The following EPS15 variants were observed in gnomAD, a reference collection of about 807,000 sequenced individuals.
EPS15 encodes the protein epidermal growth factor receptor substrate 15.
EPS15 carries 72 observed loss-of-function variants against 113.8 expected under a neutral mutation model. The ratio of observed to expected loss-of-function variants is 0.63; its 90% CI spans 0.52 to 0.77. The LOEUF (loss-of-function observed/expected upper bound fraction) is 0.77, where lower values mean the gene tolerates loss of function less well. Among genes scored for constraint, EPS15 ranks in the 30% least tolerant of loss-of-function variants. The pLI is 0.00. For synonymous variants in EPS15, 344 were observed against 363.4 expected (o/e 0.95, Z 0.61); for missense variants, 1,048 against 1,045.8 (o/e 1.00, Z -0.03).
intron 5 of EPS15, among the ~76,000 whole-genome samples, chr1:51,467,761 G>A (rs2148507178): frequency 6.6e-6 from 1 of 152,212 alleles, no homozygotes; most frequent in African/African-American, 2.4e-5. Flanking sequence ...AACTGCGCAT[G>A]TGAGGGATCT....
rs964044922 is a variant in EPS15 at position 51,446,968 on chromosome 1, G to A, written c.789C>T (p.Ala263=). ...LKTGLPSTLL[A]HIWSLCDTKD... ...TTCAAATAAAGTCTTACCATATATG[G>A]GCTAGTAAGGTAGAAGGTAAACCTG... is the stretch of plus-strand genomic sequence containing the variant. The change falls in exon 10 of 25, where the codon GCC becomes GCT. Residue 263 remains alanine (A), a synonymous_variant. Coordinates refer to ENST00000371733, the MANE Select transcript of EPS15 (RefSeq NM_001981.3). The A allele has an allele frequency of 6.8e-6, 11 of 1,609,582 alleles. No homozygotes were observed. The highest frequency in any genetic ancestry group is 1.7e-5 in the Admixed American group (1 of 59,542).
At chr1:51,418,400 A>G (rs1231229221) in intron 13 of EPS15, among the ~76,000 whole-genome samples, 1 of 152,084 alleles carries the variant, frequency 6.6e-6, no homozygotes, top group Non-Finnish European at 1.5e-5. Flanking sequence ...AGAAGGACGA[A>G]CAGATTTGGC....
Position 51,497,618 on chromosome 1 carries a change from G to A in EPS15, c.34-16304C>T, listed in dbSNP as rs56792588. Among the ~76,000 whole-genome samples the A allele has an allele frequency of 9.4e-3, 1,432 of 152,198 alleles. 23 individuals carry two copies. Among genetic ancestry groups the A allele is most frequent in the African/African-American group, 0.033 (1,359 of 41,504 alleles). ...GAAGTATCATGACATATAAATATTC[G>A]TTAAATCACACATATCTTTGCAACA... is the stretch of plus-strand genomic sequence containing the variant. On this transcript the variant is annotated intron_variant, in intron 1 of 24. Transcript: ENST00000371733.
chr1:51,389,237 A>G (rs922409205), intron 21 of EPS15, among the ~76,000 whole-genome samples: 11 of 152,230 alleles, frequency 7.2e-5, no homozygotes, highest in Non-Finnish European at 1.3e-4. Flanking sequence ...ATCTCAATAG[A>G]TGCAGAAAAG....
intron 11 of EPS15, among the ~76,000 whole-genome samples, chr1:51,442,554 T>C (rs1417326589): frequency 6.6e-6 from 1 of 152,152 alleles, no homozygotes; most frequent in East Asian, 1.9e-4. Flanking sequence ...AGAAAAAATA[T>C]GTAGCATGTC....
chr1:51,405,275 C>T (rs1236197037), intron 16 of EPS15, among the ~76,000 whole-genome samples: 1 of 152,010 alleles, frequency 6.6e-6, no homozygotes, highest in Non-Finnish European at 1.5e-5. Flanking sequence ...AGTTGGTACT[C>T]GTCAAATAAT....
intron 1 of EPS15, among the ~76,000 whole-genome samples, chr1:51,506,950 T>C (rs941257705): frequency 6.6e-6 from 1 of 152,164 alleles, no homozygotes; most frequent in African/African-American, 2.4e-5. Flanking sequence ...TAATGCCAAT[T>C]TCCTATGCTA....
chr1:51,402,555 T>A, intron 17 of EPS15, 30 bp from the exon 18 acceptor site: 1 of 1,150,506 alleles, frequency 8.7e-7, no homozygotes, highest in Non-Finnish European at 1.3e-6. Context: ...AAAATTATTT[T>A]TTAGAAACCA....
In EPS15 at chr1:51,447,044, T is replaced by A; in HGVS notation, c.713A>T (p.Asp238Val). The A allele has an allele frequency of 6.2e-7, 1 of 1,613,640 alleles. No homozygotes were observed. Residue 238 changes from aspartate (D) to valine (V), a missense_variant, in exon 10 of 25, where the codon GAT (aspartate) becomes GTT (valine). By Grantham distance (152) the Asp-to-Val change is radical (BLOSUM62 -3). Transcript: ENST00000371733. ...CAATCCAGACACAAATCCGTCCATA[T>A]CTTTATCAGTTTTCAGGAAGATTTC... ...YDEIFLKTDK[D>V]MDGFVSGLEV... is the part of the protein sequence containing the mutation.
intron 1 of EPS15, among the ~76,000 whole-genome samples, chr1:51,513,447 A>C (rs1219349100): frequency 6.6e-6 from 1 of 152,210 alleles, no homozygotes; most frequent in Non-Finnish European, 1.5e-5. Flanking sequence ...TGAAACAATA[A>C]ACAGCTTACA....
chr1:51,459,412 G>T (rs975442465), intron 8 of EPS15, among the ~76,000 whole-genome samples: 2 of 152,082 alleles, frequency 1.3e-5, no homozygotes, highest in Non-Finnish European at 2.9e-5. Context: ...CGGGAGAATC[G>T]TCGAACTTGG....
chr1:51,487,664 A>C (rs1407056019), intron 1 of EPS15, among the ~76,000 whole-genome samples: 1 of 152,222 alleles, frequency 6.6e-6, no homozygotes, highest in Non-Finnish European at 1.5e-5. Context: ...ACACAGTAAG[A>C]AATCCTGATC....
intron 2 of EPS15, among the ~76,000 whole-genome samples, chr1:51,480,704 G>A (rs1644005273): frequency 6.6e-6 from 1 of 152,068 alleles, no homozygotes; most frequent in Non-Finnish European, 1.5e-5. Context: ...TAGAGACAGG[G>A]TTTCACCATG....
intron 1 of EPS15, among the ~76,000 whole-genome samples, chr1:51,508,334 A>AAAGAGAAAGAG (rs1557537124): frequency 8.8e-6 from 1 of 114,216 alleles, no homozygotes; most frequent in East Asian, 2.4e-4. Context: ...GAGAAAGAGA[A>AAAGAGAAAGAG]AGAGAGAAAG....
At position 51,508,328 on chromosome 1, in the gene EPS15, A is replaced by AAGAGAAAG. The variant is rs1557537027; in HGVS notation, c.33+10863_33+10870dup. ...AAAGAGAGAAAGAGAGAAAGAGAGA[A>AAGAGAAAG]AGAGAAAGAGAGAAAGAAAGAAAGA... is the stretch of plus-strand genomic sequence containing the variant. On this transcript the variant is annotated intron_variant, in intron 1 of 24. Coordinates refer to ENST00000371733, the MANE Select transcript of EPS15 (RefSeq NM_001981.3). Among the ~76,000 whole-genome samples the AAGAGAAAG allele has an allele frequency of 8.7e-3, 739 of 85,380 alleles. 10 individuals carry two copies. The highest frequency in any genetic ancestry group is 0.023 in the Admixed American group (176 of 7,806). 56.0% of individuals were successfully genotyped at this position (85,380 alleles called of 152,430 possible).
chr1:51,446,854 C>A, intron 10 of EPS15, 106 bp downstream of exon 10: 1 of 938,694 alleles, frequency 1.1e-6, no homozygotes, highest in Non-Finnish European at 1.6e-6. Context: ...ATAAAAAATT[C>A]TGAAACAAAA....
intron 5 of EPS15, among the ~76,000 whole-genome samples, chr1:51,467,487 T>C (rs1249167667): frequency 6.6e-6 from 1 of 152,090 alleles, no homozygotes; most frequent in African/African-American, 2.4e-5. Flanking sequence ...TACACAGCTA[T>C]AAAAAACAAA....
At chr1:51,466,554 T>C (rs1397365167) in intron 5 of EPS15, among the ~76,000 whole-genome samples, 3 of 149,756 alleles carry the variant, frequency 2.0e-5, no homozygotes, top group African/African-American at 7.4e-5. Context: ...ACCTAGGGGG[T>C]GGAGGTTGCA....
chr1:51,426,185 A>C (rs1651182801), intron 12 of EPS15, among the ~76,000 whole-genome samples: 1 of 151,816 alleles, frequency 6.6e-6, no homozygotes, highest in African/African-American at 2.4e-5. Flanking sequence ...TCTAGGGTTC[A>C]GCAGTCCTTT....
Sources: gnomAD v4.1 joint callset for allele counts (sites outside exome capture counted in the v4.1 genomes callset) on GRCh38, gnomAD v4.1.1 for gene constraint, MANE v1.5 for transcripts, NCBI Gene and HGNC (gene_info 2026-07-23, HGNC 2026-07-21) for gene names.